GABRG3: variants seen among roughly 807,000 people sequenced by gnomAD.
GABRG3 encodes the protein gamma-aminobutyric acid receptor subunit gamma-3.
GABRG3 carries 25 observed loss-of-function variants against 48.8 expected under a neutral mutation model. That is an observed-to-expected ratio of 0.51 (90% CI 0.37 to 0.72). The LOEUF is 0.72. GABRG3 is among the 30% of genes least tolerant of loss of function. The pLI is 0.00. For synonymous variants in GABRG3, 227 were observed against 217.6 expected, an observed-to-expected ratio of 1.04 and a Z score of -0.38; for missense variants, 394 against 577.9, an observed-to-expected ratio of 0.68 and a Z score of 3.26.
chr15:27,158,786 G>T (rs574847884), intron 3 of GABRG3, among the ~76,000 whole-genome samples: 17 of 152,288 alleles, frequency 1.1e-4, no homozygotes, highest in African/African-American at 3.9e-4. Flanking sequence ...ATGTCATGTG[G>T]GGAATACCTC....
intron 3 of GABRG3, among the ~76,000 whole-genome samples, chr15:27,203,609 A>C (rs1888759630): frequency 6.6e-6 from 1 of 152,156 alleles, no homozygotes; most frequent in African/African-American, 2.4e-5. Flanking sequence ...TTCTTTGAGA[A>C]ATCTCCAGAA....
chr15:27,039,655 C>T (rs1453017730), intron 3 of GABRG3, among the ~76,000 whole-genome samples: 3 of 152,190 alleles, frequency 2.0e-5, no homozygotes, highest in Non-Finnish European at 2.9e-5. Flanking sequence ...AAGTAGGACC[C>T]ACTGTTTCCT....
chr15:26,976,255 C>T lies in GABRG3; in HGVS notation c.54-747C>T, dbSNP rs955458512. Reference sequence around the variant, plus strand: ...CAAAACAAGCTCAGAGATGCCCAGGCATTCACTGAGACTCATTTACTAAGA... The same window carrying T: ...CAAAACAAGCTCAGAGATGCCCAGGTATTCACTGAGACTCATTTACTAAGA... On this transcript the variant is annotated intron_variant, in intron 1 of 9. Transcript: ENST00000615808. This position sits in a 1 kb window ranked among gnomAD's most constrained non-coding sequence, Gnocchi z 7.8. Among the ~76,000 whole-genome samples the T allele has an allele frequency of 6.6e-6, 1 of 152,196 alleles. No individual in the cohort carries two copies. The highest frequency in any genetic ancestry group is 1.5e-5 in the Non-Finnish European group (1 of 68,038).
intron 2 of GABRG3, among the ~76,000 whole-genome samples, chr15:26,979,597 A>G (rs1464837580): frequency 2.0e-5 from 3 of 152,200 alleles, no homozygotes; most frequent in Non-Finnish European, 4.4e-5. Flanking sequence ...AATTTCACCA[A>G]AGACTTCCTT....
At chr15:27,186,182 T>C (rs1888091191) in intron 3 of GABRG3, among the ~76,000 whole-genome samples, 1 of 152,122 alleles carries the variant, frequency 6.6e-6, no homozygotes, top group African/African-American at 2.4e-5. Context: ...TGCTCCCTCT[T>C]TCCTCGAGTA....
At chr15:27,260,445 C>G (rs1420674238) in intron 3 of GABRG3, among the ~76,000 whole-genome samples, 1 of 152,144 alleles carries the variant, frequency 6.6e-6, no homozygotes, top group Non-Finnish European at 1.5e-5. Flanking sequence ...AAAATTCAGT[C>G]TATAACATGG....
At chr15:27,238,144 C>G (rs918166548) in intron 3 of GABRG3, among the ~76,000 whole-genome samples, 2 of 100,350 alleles carry the variant, frequency 2.0e-5, no homozygotes, top group African/African-American at 5.3e-5. Context: ...CAGATTCTTG[C>G]TTCTTTTTTT....
intron 5 of GABRG3, among the ~76,000 whole-genome samples, chr15:27,368,322 C>T (rs981702889): frequency 1.3e-5 from 2 of 152,160 alleles, no homozygotes; most frequent in Non-Finnish European, 2.9e-5. Context: ...GGTGGACACG[C>T]ACACATACAT....
chr15:26,996,843 G>A (rs539088136), intron 2 of GABRG3, among the ~76,000 whole-genome samples: 2 of 151,908 alleles, frequency 1.3e-5, no homozygotes, highest in African/African-American at 4.8e-5. Context: ...TAGTAGAGAC[G>A]GGGTTTCACC....
intron 2 of GABRG3, among the ~76,000 whole-genome samples, chr15:26,996,731 G>A (rs187272799): frequency 1.9e-4 from 29 of 151,886 alleles, no homozygotes; most frequent in Admixed American, 1.5e-3. Flanking sequence ...CTCACTGCAA[G>A]CTCCGCCTCC....
chr15:27,187,182 G>A (rs1471864479), intron 3 of GABRG3, among the ~76,000 whole-genome samples: 1 of 152,096 alleles, frequency 6.6e-6, no homozygotes, highest in Non-Finnish European at 1.5e-5. Context: ...TGAATAGAGA[G>A]TCCTTTTTCC....
At chr15:27,351,731 T>G (rs1407901572) in intron 5 of GABRG3, among the ~76,000 whole-genome samples, 1 of 150,846 alleles carries the variant, frequency 6.6e-6, no homozygotes, top group Non-Finnish European at 1.5e-5. Flanking sequence ...TGTGTATATA[T>G]ATGTGTGTAT....
intron 2 of GABRG3, among the ~76,000 whole-genome samples, chr15:26,996,027 T>C (rs1389384467): frequency 6.6e-6 from 1 of 152,190 alleles, no homozygotes; most frequent in Non-Finnish European, 1.5e-5. Context: ...TCTTTTGTTA[T>C]TGTTAGATAT....
intron 7 of GABRG3, among the ~76,000 whole-genome samples, chr15:27,526,427 G>C (rs1571279): frequency 0.63 from 95,363 of 152,100 alleles, 31,077 homozygotes; most frequent in African/African-American, 0.81. Context: ...GGTGGTGACT[G>C]TTAAAATTCA....
At chr15:27,205,740 A>G (rs1018233061) in intron 3 of GABRG3, among the ~76,000 whole-genome samples, 10 of 151,372 alleles carry the variant, frequency 6.6e-5, no homozygotes, top group African/African-American at 1.7e-4. Context: ...TACTGATTCA[A>G]TTTTGGAACT....
intron 3 of GABRG3, among the ~76,000 whole-genome samples, chr15:27,099,638 T>C (rs1472220275): frequency 6.6e-6 from 1 of 152,054 alleles, no homozygotes; most frequent in Non-Finnish European, 1.5e-5. Flanking sequence ...CCCTAACATT[T>C]ATGTATTCAT....
chr15:27,379,594 T>A (rs1895703635), intron 5 of GABRG3, among the ~76,000 whole-genome samples: 1 of 152,248 alleles, frequency 6.6e-6, no homozygotes, highest in African/African-American at 2.4e-5. Flanking sequence ...TTTTAACATT[T>A]CCTGCAAGGC....
At chr15:27,173,434 T>G (rs1451868171) in intron 3 of GABRG3, among the ~76,000 whole-genome samples, 1 of 152,156 alleles carries the variant, frequency 6.6e-6, no homozygotes, top group African/African-American at 2.4e-5. Context: ...TGATTTAGTT[T>G]TATTGAGAAA....
intron 3 of GABRG3, among the ~76,000 whole-genome samples, chr15:27,032,467 G>A (rs184691988): frequency 1.6e-3 from 240 of 152,324 alleles, no homozygotes; most frequent in South Asian, 7.2e-3. Context: ...TCTGCTGGCT[G>A]TACAAGCGTG....
Sources: gnomAD v4.1 joint callset for allele counts (sites outside exome capture counted in the v4.1 genomes callset) on GRCh38, gnomAD v4.1.1 for gene constraint, Gnocchi (gnomAD v3.1) non-coding constraint, MANE v1.5 for transcripts, NCBI Gene and HGNC (gene_info 2026-07-23, HGNC 2026-07-21) for gene names.